PAK6: variants seen among roughly 807,000 people sequenced by gnomAD.
The protein encoded by PAK6 is p21 (RAC1) activated kinase 6, also known as serine/threonine-protein kinase PAK 6.
In PAK6, 33 loss-of-function variants were observed where a neutral mutation model predicts 60.8. The ratio of observed to expected loss-of-function variants is 0.54; its 90% confidence interval spans 0.41 to 0.73. The LOEUF (loss-of-function observed/expected upper bound fraction) is 0.73, where lower values mean the gene tolerates loss of function less well. Among genes scored for constraint, PAK6 ranks in the 30% least tolerant of loss-of-function variants. The probability of loss-of-function intolerance (pLI) is 0.00; values close to 1 mark genes in which losing one functional copy is unlikely to be tolerated. For synonymous variants in PAK6, 404 were observed against 378.5 expected, an observed-to-expected ratio of 1.07 and a Z score of -0.78; for missense variants, 845 against 904.1, an observed-to-expected ratio of 0.93 and a Z score of 0.84.
chr15:40,240,799 T>C (rs928417652), intron 2 of PAK6, 118 bp downstream of exon 2: 1 of 351,930 alleles, frequency 2.8e-6, no homozygotes, highest in Non-Finnish European at 5.7e-6. Flanking sequence ...TGTGGGTTCC[T>C]GGGTCAAGGG....
chr15:40,248,401 C>A (rs2038556535), intron 2 of PAK6, among the ~76,000 whole-genome samples: 2 of 152,280 alleles, frequency 1.3e-5, no homozygotes, highest in African/African-American at 4.8e-5. Flanking sequence ...GCTTCGGGCT[C>A]CAGGGTGAGT....
exon 6 of PAK6, chr15:40,272,588 A>C: frequency 6.2e-7 from 1 of 1,613,046 alleles, no homozygotes; most frequent in Non-Finnish European, 8.5e-7. Context: ...CTGCTGCTGG[A>C]CAGCTACGTG....
At chr15:40,259,291 G>A (rs1405285376) in intron 3 of PAK6, 1 of 152,372 alleles carries the variant, frequency 6.6e-6, no homozygotes, top group Non-Finnish European at 1.5e-5. Context: ...GGGAAAAGGA[G>A]CCCTGGAAAT....
At chr15:40,273,915 A>G (rs1295995337) in intron 9 of PAK6, 1 of 666,470 alleles carries the variant, frequency 1.5e-6, no homozygotes, top group Non-Finnish European at 2.5e-6. Flanking sequence ...CGGGCCTCCT[A>G]TGTATGATGG....
At chr15:40,242,510 C>T (rs1326191133) in intron 2 of PAK6, among the ~76,000 whole-genome samples, 2 of 152,206 alleles carry the variant, frequency 1.3e-5, no homozygotes, top group Non-Finnish European at 2.9e-5. Context: ...GCCGCCTGCA[C>T]CTACCGGGCC....
chr15:40,262,821 A>C (rs888251135), intron 3 of PAK6, among the ~76,000 whole-genome samples: 1 of 152,174 alleles, frequency 6.6e-6, no homozygotes, highest in Non-Finnish European at 1.5e-5. Context: ...AAACCCTATG[A>C]GCTGTCTTTC....
chr15:40,254,007 CGCCTGGTTCCAT>C (rs2038766843), intron 3 of PAK6, among the ~76,000 whole-genome samples: 1 of 152,116 alleles, frequency 6.6e-6, no homozygotes, highest in Non-Finnish European at 1.5e-5. Context: ...GATAAGAAAA[CGCCTGGTTCCAT>C]GCAAGGTGAG....
chr15:40,268,091 C>A (rs1239670709), intron 5 of PAK6, among the ~76,000 whole-genome samples: 6 of 152,162 alleles, frequency 3.9e-5, no homozygotes. Flanking sequence ...GCCGGGATGT[C>A]CCCCATACTT....
At chr15:40,263,864 G>T (rs576597278) in intron 3 of PAK6, 1 of 454,878 alleles carries the variant, frequency 2.2e-6, no homozygotes, top group Non-Finnish European at 4.4e-6. Context: ...TGATCCACCC[G>T]CCTCGGCCTC....
intron 2 of PAK6, chr15:40,250,604 G>A (rs2038638094): frequency 6.6e-6 from 1 of 152,112 alleles, no homozygotes; most frequent in Non-Finnish European, 1.5e-5. Flanking sequence ...GATGGGACTT[G>A]GCTAGTCGCC....
chr15:40,264,846 C>T (rs748484001), exon 4 of PAK6: 11 of 1,614,016 alleles, frequency 6.8e-6, no homozygotes, highest in Middle Eastern at 1.6e-4. Flanking sequence ...CTTCCAGCAC[C>T]GTGTCCACAC....
chr15:40,275,978 CAA>C lies in PAK6; in HGVS notation c.1931_1932del (p.Gln644ArgfsTer21), dbSNP rs1488553822. The C allele has an allele frequency of 6.2e-7, 1 of 1,613,520 alleles. No individual in the cohort carries two copies. The highest frequency in any genetic ancestry group is 8.5e-7 in the Non-Finnish European group (1 of 1,179,946). On this transcript the variant is annotated frameshift_variant, in exon 11 of 11. Coordinates refer to ENST00000560346, the Ensembl canonical transcript of PAK6. LOFTEE classifies it high-confidence loss of function. ...GGAGCGGATGCTGGTGCGGGACCCC[CAA>C]GAGAGAGCCACAGCCCAGGAGCTCC...
intron 10 of PAK6, among the ~76,000 whole-genome samples, chr15:40,275,482 C>T (rs1017974887): frequency 2.0e-5 from 3 of 151,774 alleles, no homozygotes; most frequent in Non-Finnish European, 4.4e-5. Flanking sequence ...GACAGGGTTT[C>T]GCCATGTTGG....
chr15:40,243,091 A>G lies in PAK6; in HGVS notation c.-118+2410A>G, dbSNP rs573116578. Among the ~76,000 whole-genome samples, 15 of 152,346 alleles carry G rather than the reference A, an allele frequency of 9.8e-5. 1 individual carries two copies. The highest frequency in any genetic ancestry group is 3.6e-4 in the African/African-American group (15 of 41,578). On this transcript the variant is annotated intron_variant, in intron 2 of 10. Coordinates refer to ENST00000560346, the Ensembl canonical transcript of PAK6. ...CTTTTGCCAACTCTGGGTCCAACTC[A>G]TCGCTGAAGTTGGCAGCCATGACCC...
intron 3 of PAK6, among the ~76,000 whole-genome samples, chr15:40,261,021 TG>T (rs1479635894): frequency 1.3e-5 from 2 of 151,764 alleles, no homozygotes; most frequent in Non-Finnish European, 2.9e-5. Flanking sequence ...CCTGAGTAGC[TG>T]GGACTACAGG....
At chr15:40,252,279 C>T in intron 2 of PAK6, 1 of 1,212,400 alleles carries the variant, frequency 8.2e-7, no homozygotes, top group Non-Finnish European at 1.0e-6. Context: ...TACACACAGC[C>T]GGCGCTCAGC....
At chr15:40,258,310 C>T (rs949731104) in intron 3 of PAK6, among the ~76,000 whole-genome samples, 4 of 152,186 alleles carry the variant, frequency 2.6e-5, no homozygotes, top group African/African-American at 9.7e-5. Flanking sequence ...GGGAGAAGAA[C>T]CACAGCTGAC....
intron 10 of PAK6, among the ~76,000 whole-genome samples, chr15:40,274,698 G>A (rs1393147052): frequency 2.0e-5 from 3 of 152,366 alleles, no homozygotes; most frequent in East Asian, 3.9e-4. Context: ...TGTCCATCAC[G>A]GCGAGTCGGC....
rs995379101 is a variant in PAK6 at position 40,250,434 on chromosome 15, A to C, written c.-117-2744A>C. On this transcript the variant is annotated intron_variant, in intron 2 of 10. Coordinates refer to ENST00000560346, the Ensembl canonical transcript of PAK6. ...TGTATCCAGTTCTCTGGCCTACCCA[A>C]CTGACGGTTATTCTTGAATACCTCC... is the stretch of plus-strand genomic sequence containing the variant. 3.3e-5 allele frequency among the ~76,000 whole-genome samples: 5 copies of C among 152,114 alleles called. No individual in the cohort carries two copies. The East Asian group carries it at 9.6e-4, about 29-fold the overall frequency.
Sources: gnomAD v4.1 joint callset for allele counts (sites outside exome capture counted in the v4.1 genomes callset) on GRCh38, gnomAD v4.1.1 for gene constraint, MANE v1.5 for transcripts, NCBI Gene and HGNC (gene_info 2026-07-23, HGNC 2026-07-21) for gene names.